Variants in NIPAL3 observed in about 807,000 individuals in gnomAD.
NIPAL3 encodes the protein NIPA-like protein 3.
NIPAL3 carries 41 observed loss-of-function variants against 47.2 expected under a neutral mutation model. The ratio of observed to expected loss-of-function variants is 0.87; its 90% confidence interval spans 0.68 to 1.13. The LOEUF is 1.13. Among genes scored for constraint, NIPAL3 ranks in the 50% most tolerant of loss-of-function variants. The probability of loss-of-function intolerance (pLI) is 0.00; values close to 1 mark genes in which losing one functional copy is unlikely to be tolerated. For missense variants in NIPAL3, 449 were observed against 530.1 expected (o/e 0.85, Z 1.50); for synonymous variants, 194 against 209.6 (o/e 0.93, Z 0.64).
At chr1:24,442,419 C>G (rs764605251) in intron 4 of NIPAL3, among the ~76,000 whole-genome samples, 193 bp downstream of exon 4, 1 of 152,196 alleles carries the variant, frequency 6.6e-6, no homozygotes, top group South Asian at 2.1e-4. Context: ...CCTCCAGCCA[C>G]CTGTTGAGGG....
intron 10 of NIPAL3, among the ~76,000 whole-genome samples, chr1:24,462,042 G>T (rs1646495717): frequency 6.6e-6 from 1 of 152,162 alleles, no homozygotes; most frequent in Non-Finnish European, 1.5e-5. Flanking sequence ...CAGCATGGCT[G>T]GGGAGGCCTC....
chr1:24,439,357 A>G (rs1045660608), intron 2 of NIPAL3, among the ~76,000 whole-genome samples: 8 of 152,310 alleles, frequency 5.3e-5, no homozygotes, highest in African/African-American at 1.9e-4. Context: ...TATGTTAAGT[A>G]AAAAAACAGA....
upstream of NIPAL3, chr1:24,415,056 A>G (rs1344800783): frequency 6.6e-6 from 1 of 152,156 alleles, no homozygotes; most frequent in Non-Finnish European, 1.5e-5. Context: ...ACATTTCTTC[A>G]TACGTAAAAC....
In NIPAL3 at chr1:24,452,256, G is replaced by T. The variant is rs369819165; in HGVS notation, c.541-1152G>T. Among the ~76,000 whole-genome samples, 6 of 152,148 alleles carry T rather than the reference G, an allele frequency of 3.9e-5. No homozygotes were observed. In the East Asian group the frequency reaches 1.2e-3, roughly 29 times the overall value. On this transcript the variant is annotated intron_variant, in intron 6 of 11. Transcript: ENST00000374399. ...AAGGAGGGGGAGCTTCTCAAACTCGGACTTGCCATCGTCTAGTGGTAAGTT... is the reference window on the plus strand; with the variant it reads ...AAGGAGGGGGAGCTTCTCAAACTCGTACTTGCCATCGTCTAGTGGTAAGTT...
intron 2 of NIPAL3, among the ~76,000 whole-genome samples, chr1:24,435,571 TC>T (rs1645062297): frequency 2.0e-5 from 3 of 152,354 alleles, no homozygotes; most frequent in Admixed American, 2.0e-4. Flanking sequence ...ACATGAAATG[TC>T]GCACCTATAT....
chr1:24,468,928 G>T (rs768929536), intron 11 of NIPAL3, 58 bp from the exon 12 acceptor site: 237 of 1,511,734 alleles, frequency 1.6e-4, no homozygotes, highest in Middle Eastern at 5.2e-4. Context: ...AGAGGGAGAT[G>T]CGGCCTCCTT....
At chr1:24,468,457 A>T (rs1646789835) in intron 11 of NIPAL3, among the ~76,000 whole-genome samples, 1 of 152,256 alleles carries the variant, frequency 6.6e-6, no homozygotes, top group African/African-American at 2.4e-5. Context: ...CAAAGTACCC[A>T]GAAGTAATAA....
intron 2 of NIPAL3, among the ~76,000 whole-genome samples, chr1:24,425,184 C>T (rs1034474570): frequency 1.3e-5 from 2 of 152,192 alleles, no homozygotes; most frequent in African/African-American, 4.8e-5. Flanking sequence ...TGAGCACCTA[C>T]TCTCTCCAGC....
Position 24,471,930 on chromosome 1 carries a change from T to C in NIPAL3, c.*2745T>C, listed in dbSNP as rs1026593040. Reference sequence around the variant, plus strand: ...ACAGAAGGTGAGCAGGGAGGCTATTTAGATGTGTCAAACCCGGGTGATCAT... The same window carrying C: ...ACAGAAGGTGAGCAGGGAGGCTATTCAGATGTGTCAAACCCGGGTGATCAT... On this transcript the variant is annotated 3_prime_UTR_variant, in exon 12 of 12. Coordinates refer to ENST00000374399, the MANE Select transcript of NIPAL3 (RefSeq NM_020448.5). 24 of 151,912 alleles carry C rather than the reference T, an allele frequency of 1.6e-4. No homozygotes were observed. The highest frequency in any genetic ancestry group is 4.8e-4 in the African/African-American group (20 of 41,328). The allele number at this position is 151,912 out of a possible 1,614,324, so 9.4% of individuals were successfully genotyped here. A position where few individuals can be genotyped will look rare whatever the true frequency, so the allele number is the denominator to read the frequency against.
At chr1:24,467,890 G>A (rs1035463020) in intron 11 of NIPAL3, among the ~76,000 whole-genome samples, 3 of 152,094 alleles carry the variant, frequency 2.0e-5, no homozygotes, top group African/African-American at 7.2e-5. Context: ...CCAGTGCCCA[G>A]GGCATATTAA....
Position 24,419,291 on chromosome 1 carries a change from A to G in NIPAL3, c.-257A>G. ...TTAATGTTCCTCTCCACCACCCTAG[A>G]GCACCGCAAGAACTGGAAAACACAC... On this transcript the variant is annotated splice_region_variant and 5_prime_UTR_variant, in exon 2 of 12. Transcript: ENST00000374399. The G allele has an allele frequency of 8.4e-7, 1 of 1,194,128 alleles. No homozygotes were observed. The highest frequency in any genetic ancestry group is 1.0e-6 in the Non-Finnish European group (1 of 962,634). The allele number at this position is 1,194,128 out of a possible 1,614,324, so 74.0% of individuals were successfully genotyped here. A position where few individuals can be genotyped will look rare whatever the true frequency, so the allele number is the denominator to read the frequency against.
chr1:24,462,406 G>A (rs1422062681), intron 10 of NIPAL3, among the ~76,000 whole-genome samples: 1 of 152,178 alleles, frequency 6.6e-6, no homozygotes, highest in African/African-American at 2.4e-5. Context: ...CAACCCAAAT[G>A]TCTACCAACA....
intron 2 of NIPAL3, among the ~76,000 whole-genome samples, chr1:24,426,509 G>A (rs1030687481): frequency 1.3e-5 from 2 of 152,150 alleles, no homozygotes; most frequent in South Asian, 4.1e-4. Context: ...TGACCAGGCT[G>A]ATCTTGAACT....
intron 2 of NIPAL3, among the ~76,000 whole-genome samples, chr1:24,422,788 G>T (rs1644392052): frequency 6.6e-6 from 1 of 152,178 alleles, no homozygotes. Flanking sequence ...GTTACTGTTC[G>T]CATCCTTGGA....
chr1:24,423,573 T>C (rs1011542863), intron 2 of NIPAL3, among the ~76,000 whole-genome samples: 3 of 151,936 alleles, frequency 2.0e-5, no homozygotes, highest in Non-Finnish European at 4.4e-5. Flanking sequence ...GAGCTTGCAG[T>C]GAGCCGAGAT....
intron 4 of NIPAL3, among the ~76,000 whole-genome samples, 153 bp downstream of exon 4, chr1:24,442,379 T>G (rs758447051): frequency 6.6e-6 from 1 of 152,230 alleles, no homozygotes; most frequent in African/African-American, 2.4e-5. Context: ...CCAGGCCCTG[T>G]AAGTGCTTAC....
chr1:24,459,047 G>A (rs775166880), intron 9 of NIPAL3, 71 bp downstream of exon 9: 6 of 1,330,868 alleles, frequency 4.5e-6, no homozygotes, highest in African/African-American at 2.9e-5. Flanking sequence ...GGCAGAGGGA[G>A]GCTGATTCTG....
Position 24,460,492 on chromosome 1 carries a change from T to C in NIPAL3, c.874T>C (p.Tyr292His). ...ATTTGCTGCTGCAGGTGCAATATTT[T>C]ACCTGGACTTCATCGGGGAGGACGT... ...TIAITAGAIFYLDFIGEDVLH... is the reference protein window; with the variant it reads ...TIAITAGAIFHLDFIGEDVLH... Residue 292 changes from tyrosine (Y) to histidine (H), a missense_variant, in exon 10 of 12, where the codon TAC (tyrosine) becomes CAC (histidine). Physicochemically the swap from Tyr to His is moderately conservative, Grantham distance 83. Transcript: ENST00000374399. The C allele has an allele frequency of 6.3e-7, 1 of 1,588,000 alleles. No individual in the cohort carries two copies. The highest frequency in any genetic ancestry group is 1.2e-5 in the South Asian group (1 of 86,296).
In NIPAL3 at chr1:24,470,445, TG is replaced by T. The variant is rs1646865565; in HGVS notation, c.*1261del. The T allele has an allele frequency of 6.6e-6, 1 of 152,192 alleles. No individual in the cohort carries two copies. The highest frequency in any genetic ancestry group is 1.5e-5 in the Non-Finnish European group (1 of 68,038). 9.4% of individuals were successfully genotyped at this position (152,192 alleles called of 1,614,324 possible). On this transcript the variant is annotated 3_prime_UTR_variant, in exon 12 of 12. Coordinates refer to ENST00000374399, the MANE Select transcript of NIPAL3 (RefSeq NM_020448.5). Reference sequence around the variant, plus strand: ...CTGCATTCTTAACTGGTACCACCAGTGATTCTGATGCGATGCTTCAATCCCG... The same window carrying T: ...CTGCATTCTTAACTGGTACCACCAGTATTCTGATGCGATGCTTCAATCCCG...
Sources: gnomAD v4.1 joint callset for allele counts (sites outside exome capture counted in the v4.1 genomes callset) on GRCh38, gnomAD v4.1.1 for gene constraint, MANE v1.5 for transcripts, NCBI Gene and HGNC (gene_info 2026-07-23, HGNC 2026-07-21) for gene names.